The following EPHB2 variants were observed in gnomAD, a reference collection of about 807,000 sequenced individuals.
EPHB2 encodes the protein EPH receptor B2, also known as ephrin type-B receptor 2.
A neutral mutation model predicts 96.4 loss-of-function variants in EPHB2; 18 were observed. That is an observed-to-expected ratio of 0.19 (90% confidence interval 0.13 to 0.28). EPHB2 has a LOEUF of 0.28. Ranked by LOEUF, EPHB2 falls within the 10% of genes least tolerant of loss-of-function variation. EPHB2 has a pLI of 1.00. For synonymous variants in EPHB2, 506 were observed against 534.1 expected, an observed-to-expected ratio of 0.95 and a Z score of 0.72; for missense variants, 989 against 1,355.4, an observed-to-expected ratio of 0.73 and a Z score of 4.25.
At chr1:22,911,542 G>A (rs1242914529) in intron 14 of EPHB2, among the ~76,000 whole-genome samples, 2 of 152,146 alleles carry the variant, frequency 1.3e-5, no homozygotes, top group Non-Finnish European at 2.9e-5. Flanking sequence ...TTGGGGACCT[G>A]GTGCCTCCCT....
chr1:22,909,101 G>T lies in EPHB2; in HGVS notation c.2432G>T (p.Ser811Ile). The T allele has an allele frequency of 6.2e-7, 1 of 1,614,188 alleles. No homozygotes were observed. Among genetic ancestry groups the T allele is most frequent in the Non-Finnish European group, 8.5e-7 (1 of 1,180,030 alleles). The change falls in exon 13 of 16, where the codon AGC (serine) becomes ATC (isoleucine). Residue 811 changes from serine (S) to isoleucine (I), a missense_variant. Transcript: ENST00000374630. ...TTCACCTCGGCCAGTGATGTGTGGA[G>T]CTACGGCATTGTCATGTGGGAGGTG... ...RKFTSASDVW[S>I]YGIVMWEVMS... is the part of the protein sequence containing the mutation.
At chr1:22,771,287 G>A (rs1308083935) in intron 1 of EPHB2, among the ~76,000 whole-genome samples, 2 of 152,184 alleles carry the variant, frequency 1.3e-5, no homozygotes, top group Admixed American at 1.3e-4. Context: ...AGGACTCTGG[G>A]AGCCCCAGCA....
At chr1:22,910,699 C>A (rs1312358805) in intron 14 of EPHB2, 124 bp downstream of exon 14, 18 of 1,286,678 alleles carry the variant, frequency 1.4e-5, no homozygotes, top group Non-Finnish European at 1.8e-5. Flanking sequence ...AAGGACAGGA[C>A]TAGTGTTTAT....
At chr1:22,769,600 G>A (rs1191774151) in intron 1 of EPHB2, among the ~76,000 whole-genome samples, 1 of 152,062 alleles carries the variant, frequency 6.6e-6, no homozygotes, top group Non-Finnish European at 1.5e-5. Context: ...TAGGGACAGG[G>A]TTTTGTCATG....
At chr1:22,865,738 C>T (rs1638451357) in intron 5 of EPHB2, among the ~76,000 whole-genome samples, 1 of 152,208 alleles carries the variant, frequency 6.6e-6, no homozygotes, top group African/African-American at 2.4e-5. Context: ...ATTCCACGGG[C>T]AGGGCCTCAG....
rs1250448034 is a variant in EPHB2 at position 22,919,259 on chromosome 1, C to G, written c.*5689C>G. ...AAGCAGGACATTTTCAGATAGGATG[C>G]CCAAACCCAGACGCAGATTAGGACC... On this transcript the variant is annotated 3_prime_UTR_variant, in exon 16 of 16. Coordinates refer to ENST00000374630, the MANE Select transcript of EPHB2 (RefSeq NM_017449.5). 6.6e-6 allele frequency: 1 copy of G among 152,272 alleles called. No homozygotes were observed. The highest frequency in any genetic ancestry group is 2.4e-5 in the African/African-American group (1 of 41,444). The allele number at this position is 152,272 out of a possible 1,614,324, so 9.4% of individuals were successfully genotyped here. A position where few individuals can be genotyped will look rare whatever the true frequency, so the allele number is the denominator to read the frequency against.
At chr1:22,911,163 T>A (rs982574152) in intron 14 of EPHB2, among the ~76,000 whole-genome samples, 3 of 151,148 alleles carry the variant, frequency 2.0e-5, no homozygotes, top group African/African-American at 7.3e-5. Context: ...AATAAATAAA[T>A]AAATAAATAA....
At chr1:22,716,013 A>C (rs1643285124) in intron 1 of EPHB2, among the ~76,000 whole-genome samples, 1 of 152,150 alleles carries the variant, frequency 6.6e-6, no homozygotes, top group Non-Finnish European at 1.5e-5. Context: ...TAATTTGTCC[A>C]GGCACCAGAT....
At chr1:22,745,356 C>A (rs1643957515) in intron 1 of EPHB2, among the ~76,000 whole-genome samples, 1 of 152,214 alleles carries the variant, frequency 6.6e-6, no homozygotes, top group Admixed American at 6.5e-5. Context: ...ACAATACATA[C>A]CCGACTGGTT....
intron 6 of EPHB2, among the ~76,000 whole-genome samples, chr1:22,884,552 G>A (rs1291207679): frequency 1.3e-5 from 2 of 149,820 alleles, no homozygotes; most frequent in Non-Finnish European, 3.0e-5. Flanking sequence ...CCCAGGAGAC[G>A]GAGGTTGCAG....
At chr1:22,754,339 T>A (rs1644110654) in intron 1 of EPHB2, among the ~76,000 whole-genome samples, 1 of 152,172 alleles carries the variant, frequency 6.6e-6, no homozygotes. Context: ...CCTGGGTAAA[T>A]GTATGAAGAC....
intron 3 of EPHB2, among the ~76,000 whole-genome samples, chr1:22,832,087 C>T (rs908846348): frequency 2.0e-5 from 3 of 152,058 alleles, no homozygotes; most frequent in Admixed American, 1.3e-4. Context: ...GCTGTTTGAG[C>T]GGGGAATAGG....
intron 3 of EPHB2, among the ~76,000 whole-genome samples, chr1:22,832,144 G>A (rs1436824528): frequency 6.6e-6 from 1 of 152,104 alleles, no homozygotes; most frequent in Non-Finnish European, 1.5e-5. Flanking sequence ...CTCCAGGCTG[G>A]GGTGCAACAG....
At chr1:22,849,263 T>G (rs1475855280) in intron 3 of EPHB2, among the ~76,000 whole-genome samples, 1 of 152,188 alleles carries the variant, frequency 6.6e-6, no homozygotes, top group African/African-American at 2.4e-5. Flanking sequence ...CAGAAAGGCC[T>G]TTTCTGCCCA....
At chr1:22,901,199 T>C (rs545075502) in intron 9 of EPHB2, among the ~76,000 whole-genome samples, 17 of 152,372 alleles carry the variant, frequency 1.1e-4, no homozygotes, top group African/African-American at 3.1e-4. Flanking sequence ...TTTACAATTA[T>C]TCAGCACTTT....
rs1640201928 is a variant in EPHB2, at chr1:22,914,092, C to A, written c.*522C>A. On this transcript the variant is annotated 3_prime_UTR_variant, in exon 16 of 16. Transcript: ENST00000374630. ...GAGGACGGGACAGATGGACAGACAG[C>A]CACCCTGAGAACCCCTCTGGGAAAA... 3.6e-6 allele frequency: 2 copies of A among 555,136 alleles called. No homozygotes were observed. The highest frequency in any genetic ancestry group is 6.1e-6 in the Non-Finnish European group (2 of 326,832). The allele number at this position is 555,136 out of a possible 1,614,324, so 34.4% of individuals were successfully genotyped here.
chr1:22,792,621 C>G (rs913423825), intron 3 of EPHB2, among the ~76,000 whole-genome samples: 2 of 152,322 alleles, frequency 1.3e-5, no homozygotes, highest in East Asian at 3.9e-4. Flanking sequence ...TACATCCATC[C>G]ATCAGACATC....
intron 1 of EPHB2, among the ~76,000 whole-genome samples, chr1:22,766,463 G>A (rs1644308895): frequency 6.6e-6 from 1 of 152,248 alleles, no homozygotes; most frequent in Non-Finnish European, 1.5e-5. Flanking sequence ...CTAGGGGAAT[G>A]AGGGGCAATG....
chr1:22,913,335 C>T lies in EPHB2; in HGVS notation c.2853-127C>T, dbSNP rs1640170397. The T allele has an allele frequency of 2.8e-5, 36 of 1,272,518 alleles. No individual in the cohort carries two copies. The South Asian group carries it at 4.6e-4, about 16-fold the overall frequency. 78.8% of individuals were successfully genotyped at this position (1,272,518 alleles called of 1,614,324 possible). On this transcript the variant is annotated intron_variant, in intron 15 of 15. Coordinates refer to ENST00000374630, the MANE Select transcript of EPHB2 (RefSeq NM_017449.5). This position sits in a 1 kb window ranked among gnomAD's most constrained non-coding sequence, Gnocchi z 4.1. Reference sequence around the variant, plus strand: ...CCAGCTGTGGCTGCCTGCCCACTCCCCACTCCCCACTCCCCAGTACTCCTT... The same window carrying T: ...CCAGCTGTGGCTGCCTGCCCACTCCTCACTCCCCACTCCCCAGTACTCCTT...
Sources: gnomAD v4.1 joint callset for allele counts (sites outside exome capture counted in the v4.1 genomes callset) on GRCh38, gnomAD v4.1.1 for gene constraint, Gnocchi (gnomAD v3.1) non-coding constraint, MANE v1.5 for transcripts, NCBI Gene and HGNC (gene_info 2026-07-23, HGNC 2026-07-21) for gene names.